KIAA1210: variants seen among roughly 807,000 people sequenced by gnomAD.
KIAA1210 encodes the protein KIAA1210, also known as acrosomal protein KIAA1210.
KIAA1210 carries 48 observed loss-of-function variants against 78.9 expected under a neutral mutation model. That is an observed-to-expected ratio of 0.61 (90% CI 0.48 to 0.77). The LOEUF is 0.77. Among genes scored for constraint, KIAA1210 ranks in the 30% least tolerant of loss-of-function variants. KIAA1210 has a pLI of 0.00. For synonymous variants in KIAA1210, 406 were observed against 404.5 expected (o/e 1.00, Z -0.04); for missense variants, 1,108 against 1,100.0 (o/e 1.01, Z -0.10).
intron 2 of KIAA1210, among the ~76,000 whole-genome samples, chrX:119,138,034 G>A (rs772039248): frequency 1.2e-4 from 13 of 110,705 alleles, no homozygotes; most frequent in Non-Finnish European, 2.3e-4. Flanking sequence ...AAGAACAAGG[G>A]AAGGTGAAAC....
intron 1 of KIAA1210, among the ~76,000 whole-genome samples, chrX:119,125,737 T>TATATATA (rs1257970746): frequency 8.0e-4 from 8 of 9,989 alleles, no homozygotes; most frequent in Non-Finnish European, 9.3e-4. Context: ...ATATATATAT[T>TATATATA]TTTTTTTTTT....
chrX:119,104,801 C>T (rs1363297642), intron 6 of KIAA1210, among the ~76,000 whole-genome samples, 191 bp downstream of exon 6: 1 of 111,801 alleles, frequency 8.9e-6, no homozygotes, highest in African/African-American at 3.2e-5. Flanking sequence ...CTTGCTTATA[C>T]ATTAAAATGG....
chrX:119,090,338 C>G (rs968605599), intron 8 of KIAA1210, among the ~76,000 whole-genome samples: 1 of 111,373 alleles, frequency 9.0e-6, no homozygotes, highest in Admixed American at 9.5e-5. Context: ...GTGGCGCGAT[C>G]TCGGCTCACT....
rs751292771 is a variant in KIAA1210, at chrX:119,088,087, G to A, written c.2615C>T (p.Pro872Leu). ...TAVEEGTYVEPLPPRCLSQPS... is the reference protein window; with the variant it reads ...TAVEEGTYVELLPPRCLSQPS... ...CTGGGAAAGGCATCTGGGAGGCAGC[G>A]GTTCCACATAAGTGCCTTCCTCAAC... The change falls in exon 9 of 12, where the codon CCG (proline) becomes CTG (leucine). Residue 872 changes from proline to leucine, a missense_variant. Pro to Leu is a moderately conservative substitution (Grantham distance 98). Around this residue, in one of 5 missense-constraint regions of KIAA1210, gnomAD observed 7 missense variants for 21.9 expected, o/e 0.32. Transcript: ENST00000691062. 12 of 1,208,857 alleles carry A rather than the reference G, an allele frequency of 9.9e-6. No individual in the cohort carries two copies. The highest frequency in any genetic ancestry group is 2.3e-4 in the Middle Eastern group (1 of 4,372).
intron 2 of KIAA1210, among the ~76,000 whole-genome samples, chrX:119,121,424 C>T (rs182111431): frequency 8.9e-6 from 1 of 111,813 alleles, no homozygotes; most frequent in African/African-American, 3.2e-5. Flanking sequence ...TGAGAGCTGA[C>T]AGCTGTCTGG....
At position 119,116,702 on chromosome X, in the gene KIAA1210, G is replaced by A. The variant is rs781179966; in HGVS notation, c.62-38C>T. 22 of 1,128,860 alleles carry A rather than the reference G, an allele frequency of 1.9e-5. No homozygotes were observed. In the East Asian group the frequency reaches 5.5e-4, roughly 28 times the overall value. The allele number at this position is 1,128,860 out of a possible 1,213,427, so 93.0% of individuals were successfully genotyped here. A position where few individuals can be genotyped will look rare whatever the true frequency, so the allele number is the denominator to read the frequency against. On this transcript the variant is annotated intron_variant, in intron 2 of 11. Transcript: ENST00000691062. ...AATGAAAATGAGGCAGAGTGTGATG[G>A]TAGAAGGGAAGACAGGAGAGGAAAA...
At chrX:119,122,009 G>T (rs1426769764) in intron 2 of KIAA1210, among the ~76,000 whole-genome samples, 1 of 106,775 alleles carries the variant, frequency 9.4e-6, no homozygotes, top group Non-Finnish European at 1.9e-5. Flanking sequence ...TGATCTGCCC[G>T]CCTAGGCCTC....
intron 4 of KIAA1210, among the ~76,000 whole-genome samples, chrX:119,108,842 CA>C (rs3049062): frequency 0.019 from 1,306 of 70,292 alleles, 18 homozygotes; most frequent in African/African-American, 0.053. Context: ...AGACCTGTCT[CA>C]AAAAAAAAAA....
At chrX:119,091,261 C>G (rs1367783398) in intron 8 of KIAA1210, among the ~76,000 whole-genome samples, 1 of 112,093 alleles carries the variant, frequency 8.9e-6, no homozygotes, top group African/African-American at 3.2e-5. Context: ...AAAGAGCATA[C>G]TTATACACCG....
rs1569310046 is a variant in KIAA1210, at chrX:119,081,164, G to A, written c.*165C>T. On this transcript the variant is annotated 3_prime_UTR_variant, in exon 12 of 12. Coordinates refer to ENST00000691062, the MANE Select transcript of KIAA1210 (RefSeq NM_001394962.1). ...CGCCTGTAGTCCCAGCTAGTCGGGA[G>A]ACTGAGGCGGGAGAGTGGCGTGAAC... 2.9e-6 allele frequency: 1 copy of A among 348,146 alleles called. No homozygotes were observed. The highest frequency in any genetic ancestry group is 4.7e-6 in the Non-Finnish European group (1 of 212,459). 28.7% of individuals were successfully genotyped at this position (348,146 alleles called of 1,213,427 possible).
At chrX:119,097,281 G>T (rs1927586145) in intron 6 of KIAA1210, among the ~76,000 whole-genome samples, 2 of 111,558 alleles carry the variant, frequency 1.8e-5, no homozygotes, top group Admixed American at 1.9e-4. Context: ...GGATAGTGAT[G>T]GAGCCTGTAA....
intron 2 of KIAA1210, among the ~76,000 whole-genome samples, chrX:119,121,774 AT>A (rs779380576): frequency 0.019 from 2,015 of 105,247 alleles, 46 homozygotes; most frequent in African/African-American, 0.061. Flanking sequence ...TTTATTTATT[AT>A]TTTTTTTTTT....
intron 8 of KIAA1210, among the ~76,000 whole-genome samples, chrX:119,092,655 G>A (rs1371295101): frequency 9.1e-6 from 1 of 109,607 alleles, no homozygotes; most frequent in Non-Finnish European, 1.9e-5. Flanking sequence ...CAGCTACTAG[G>A]GAGGCTGAGG....
intron 8 of KIAA1210, among the ~76,000 whole-genome samples, chrX:119,090,848 C>A (rs918500666): frequency 1.8e-5 from 2 of 110,523 alleles, no homozygotes; most frequent in African/African-American, 6.6e-5. Context: ...AAGTGATGGG[C>A]AGCAGCCTAC....
chrX:119,116,652 C>A lies in KIAA1210; in HGVS notation c.74G>T (p.Cys25Phe), dbSNP rs1161722245. 1 of 1,200,911 alleles carries A rather than the reference C, an allele frequency of 8.3e-7. No homozygotes were observed. The highest frequency in any genetic ancestry group is 3.0e-5 in the East Asian group (1 of 33,723). Reference protein sequence around the residue: ...LEAGDEGKKKCKFKALKSFFV... With the variant: ...LEAGDEGKKKFKFKALKSFFV... ...AAAGCTCTTAAGGGCTTTAAATTTGCATTTCTTCTTTCCTGGAAGTGAAAA... is the reference window on the plus strand; with the variant it reads ...AAAGCTCTTAAGGGCTTTAAATTTGAATTTCTTCTTTCCTGGAAGTGAAAA... The change falls in exon 3 of 12, where the codon TGC (cysteine) becomes TTC (phenylalanine). Residue 25 changes from cysteine to phenylalanine, a missense_variant. Around this residue, in one of 5 missense-constraint regions of KIAA1210, gnomAD observed 672 missense variants for 607.1 expected, o/e 1.11. Coordinates refer to ENST00000691062, the MANE Select transcript of KIAA1210 (RefSeq NM_001394962.1).
intron 1 of KIAA1210, among the ~76,000 whole-genome samples, chrX:119,126,654 A>G (rs1204982689): frequency 8.9e-6 from 1 of 111,998 alleles, no homozygotes; most frequent in Non-Finnish European, 1.9e-5. Flanking sequence ...CCATCAGGAG[A>G]GCCCACATCA....
chrX:119,108,593 G>A (rs1247052787), intron 4 of KIAA1210, 122 bp from the exon 5 acceptor site: 21 of 858,797 alleles, frequency 2.4e-5, no homozygotes, highest in African/African-American at 2.1e-5. Context: ...GGCCAGGCAC[G>A]GTGGCTCGCG....
chrX:119,111,259 C>A (rs1414685221), intron 3 of KIAA1210, among the ~76,000 whole-genome samples: 4 of 111,686 alleles, frequency 3.6e-5, no homozygotes, highest in African/African-American at 1.3e-4. Flanking sequence ...TAAGTTGGAC[C>A]TTTATCTCAC....
chrX:119,133,877 C>T (rs961817618), intron 2 of KIAA1210, among the ~76,000 whole-genome samples: 4 of 109,677 alleles, frequency 3.6e-5, no homozygotes. Flanking sequence ...TATGTTTGTA[C>T]ATATTTATGG....
Sources: gnomAD v4.1 joint callset for allele counts (sites outside exome capture counted in the v4.1 genomes callset) on GRCh38, gnomAD v4.1.1 for gene constraint, gnomAD v4.1.1 regional missense constraint, MANE v1.5 for transcripts, NCBI Gene and HGNC (gene_info 2026-07-23, HGNC 2026-07-21) for gene names.